Variants in CELF2 observed in about 807,000 individuals in gnomAD.
CELF2 encodes CUGBP Elav-like family member 2, also known as CUG triplet repeat RNA-binding protein 2.
A neutral mutation model predicts 62.6 loss-of-function variants in CELF2; 8 were observed. That is an observed-to-expected ratio of 0.13 (90% CI 0.07 to 0.23). CELF2 has a LOEUF of 0.23. CELF2 is among the 10% of genes least tolerant of loss of function. The pLI, the probability that CELF2 is intolerant of heterozygous loss-of-function variation, is 1.00. For synonymous variants in CELF2, 258 were observed against 250.0 expected (o/e 1.03, Z -0.30); for missense variants, 333 against 671.0 (o/e 0.50, Z 5.56).
chr10:10,638,694 C>T, the CELF2 span, among the ~76,000 whole-genome samples: 1 of 152,128 alleles, frequency 6.6e-6, no homozygotes, highest in Non-Finnish European at 1.5e-5. Context: ...AGTCATTAGC[C>T]ACAGGTGCCT....
intron 1 of CELF2, among the ~76,000 whole-genome samples, chr10:10,804,393 A>G (rs966461715): frequency 6.6e-6 from 1 of 152,258 alleles, no homozygotes; most frequent in Non-Finnish European, 1.5e-5. Flanking sequence ...CATGATCTAG[A>G]CTAATGATCT....
chr10:11,330,388 T>TAAAAGTGATTTTG lies in CELF2; in HGVS notation c.*1336_*1348dup. On this transcript the variant is annotated 3_prime_UTR_variant, in exon 13 of 13. Transcript: ENST00000633077. The surrounding 1 kb of genome is among the most constrained non-coding windows in gnomAD (Gnocchi z 4.5). ...TGCATTAGTTTTTCTCCTGCACCCT[T>TAAAAGTGATTTTG]AAAAGTGATTTTGTTGCCGCTGCAT... 1 of 152,608 alleles carries TAAAAGTGATTTTG rather than the reference T, an allele frequency of 6.6e-6. No homozygotes were observed. The highest frequency in any genetic ancestry group is 1.9e-4 in the East Asian group (1 of 5,204). The allele number at this position is 152,608 out of a possible 1,614,324, so 9.5% of individuals were successfully genotyped here.
chr10:11,017,229 A>C (rs1189870015), upstream of CELF2, among the ~76,000 whole-genome samples: 1 of 152,178 alleles, frequency 6.6e-6, no homozygotes, highest in African/African-American at 2.4e-5. This position sits in a 1 kb window ranked among gnomAD's most constrained non-coding sequence, Gnocchi z 5.5. Context: ...TCGTGAATTC[A>C]CTCAGCTGGT....
chr10:10,551,509 C>T, the CELF2 span, among the ~76,000 whole-genome samples: 48 of 152,222 alleles, frequency 3.2e-4, no homozygotes, highest in African/African-American at 1.1e-3. Context: ...CCCCCCCAGT[C>T]TCCACTGGAG....
At chr10:11,137,017 A>G (rs1242692823) in intron 1 of CELF2, among the ~76,000 whole-genome samples, 2 of 152,222 alleles carry the variant, frequency 1.3e-5, no homozygotes, top group African/African-American at 2.4e-5. Context: ...ATGCTATCTA[A>G]TTTAAATACA....
intron 1 of CELF2, among the ~76,000 whole-genome samples, chr10:10,864,929 A>G (rs554706982): frequency 9.8e-5 from 15 of 152,340 alleles, no homozygotes; most frequent in African/African-American, 3.4e-4. Context: ...TATTCACAAT[A>G]TAAGAGTTTC....
rs2096080482 is a variant in CELF2, at chr10:11,334,313, T to A, written c.*5260T>A. 1 of 152,680 alleles carries A rather than the reference T, an allele frequency of 6.5e-6. No individual in the cohort carries two copies. The highest frequency in any genetic ancestry group is 2.1e-4 in the South Asian group (1 of 4,836). 9.5% of individuals were successfully genotyped at this position (152,680 alleles called of 1,614,324 possible). A position where few individuals can be genotyped will look rare whatever the true frequency, so the allele number is the denominator to read the frequency against. ...TTTTGTAATGTATGTTATTGTGTGA[T>A]GCAGTTTTTTGCTTCTGTCTCCAAT... On this transcript the variant is annotated 3_prime_UTR_variant, in exon 13 of 13. Transcript: ENST00000633077.
At chr10:11,288,337 G>A (rs771997777) in intron 8 of CELF2, 81 bp from the exon 9 acceptor site, 12 of 1,553,592 alleles carry the variant, frequency 7.7e-6, no homozygotes, top group African/African-American at 1.4e-5. Flanking sequence ...GTGTCCTGAC[G>A]ATTTGATGAG....
chr10:10,795,901 G>A (rs1202575340), upstream of CELF2, among the ~76,000 whole-genome samples: 2 of 152,042 alleles, frequency 1.3e-5, 1 homozygote, highest in Non-Finnish European at 2.9e-5. Flanking sequence ...TCTTAGGAGT[G>A]AATCGGTGAG....
Position 11,156,500 on chromosome 10 carries a change from G to A in CELF2, c.75-8986G>A, listed in dbSNP as rs1427965746. 6.6e-6 allele frequency among the ~76,000 whole-genome samples: 1 copy of A among 152,066 alleles called. No homozygotes were observed. Among genetic ancestry groups the A allele is most frequent in the East Asian group, 1.9e-4 (1 of 5,194 alleles). ...TCCCCTGCATGCTTTATTTGTCTCTGTCAAAACGGTCTTTTTAATCGATAA... is the reference window on the plus strand; with the variant it reads ...TCCCCTGCATGCTTTATTTGTCTCTATCAAAACGGTCTTTTTAATCGATAA... On this transcript the variant is annotated intron_variant, in intron 1 of 12. Coordinates refer to ENST00000633077, the MANE Select transcript of CELF2 (RefSeq NM_001326342.2). This position sits in a 1 kb window ranked among gnomAD's most constrained non-coding sequence, Gnocchi z 4.3.
At chr10:10,588,845 G>A in the CELF2 span, among the ~76,000 whole-genome samples, 1 of 152,202 alleles carries the variant, frequency 6.6e-6, no homozygotes, top group Non-Finnish European at 1.5e-5. Flanking sequence ...TGGTGTGGAT[G>A]CCAGTATTCA....
chr10:10,603,416 C>T, the CELF2 span, among the ~76,000 whole-genome samples: 4 of 152,152 alleles, frequency 2.6e-5, no homozygotes, highest in Non-Finnish European at 5.9e-5. Flanking sequence ...AATGAATGAA[C>T]AGCTGAGGAA....
At chr10:10,842,709 T>C (rs1435843829) in intron 1 of CELF2, among the ~76,000 whole-genome samples, 3 of 152,082 alleles carry the variant, frequency 2.0e-5, no homozygotes, top group Non-Finnish European at 2.9e-5. Flanking sequence ...TTGTTGAGGA[T>C]TTTTACATAT....
At chr10:11,292,261 A>G (rs2092624311) in intron 9 of CELF2, among the ~76,000 whole-genome samples, 1 of 152,204 alleles carries the variant, frequency 6.6e-6, no homozygotes, top group South Asian at 2.1e-4. Flanking sequence ...ATCTGAGGGT[A>G]ACAGAGATTG....
In CELF2 at chr10:11,328,797, G is replaced by A. The variant is rs2095895760; in HGVS notation, c.1439-129G>A. 6.8e-6 allele frequency: 7 copies of A among 1,032,894 alleles called. No homozygotes were observed. The South Asian group carries it at 8.1e-5, about 12-fold the overall frequency. The allele number at this position is 1,032,894 out of a possible 1,614,324, so 64.0% of individuals were successfully genotyped here. A position where few individuals can be genotyped will look rare whatever the true frequency, so the allele number is the denominator to read the frequency against. ...CGGTGGACTCACGATCAGTTCCGCA[G>A]AGCTGTGCTGGGCCCGTGGGGCTGG... is the stretch of plus-strand genomic sequence containing the variant. On this transcript the variant is annotated intron_variant, in intron 12 of 12. Coordinates refer to ENST00000633077, the MANE Select transcript of CELF2 (RefSeq NM_001326342.2). The surrounding 1 kb of genome is among the most constrained non-coding windows in gnomAD (Gnocchi z 6.4).
chr10:10,786,543 C>T, the CELF2 span: 1 of 151,834 alleles, frequency 6.6e-6, no homozygotes, highest in Non-Finnish European at 1.5e-5. Flanking sequence ...ACCACAAACC[C>T]TTGAAATAGT....
chr10:10,600,164 G>A, the CELF2 span, among the ~76,000 whole-genome samples: 1 of 152,244 alleles, frequency 6.6e-6, no homozygotes, highest in Non-Finnish European at 1.5e-5. Flanking sequence ...AAAGTGCAGA[G>A]AAATTCATGC....
rs185015175 is a variant in CELF2, at chr10:11,156,704, T to C, written c.75-8782T>C. 1.4e-4 allele frequency among the ~76,000 whole-genome samples: 21 copies of C among 152,292 alleles called. No individual in the cohort carries two copies. Among genetic ancestry groups the C allele is most frequent in the African/African-American group, 4.8e-4 (20 of 41,568 alleles). On this transcript the variant is annotated intron_variant, in intron 1 of 12. Transcript: ENST00000633077. The surrounding 1 kb of genome is among the most constrained non-coding windows in gnomAD (Gnocchi z 4.3). ...TCTTCAGGATGTCACACTTCCACCA[T>C]GCACTTGATGGGGCTTCCGTGAATC...
chr10:11,002,475 A>T (rs530499372), upstream of CELF2, among the ~76,000 whole-genome samples: 112 of 152,314 alleles, frequency 7.4e-4, 1 homozygote, highest in South Asian at 5.8e-3. This position sits in a 1 kb window ranked among gnomAD's most constrained non-coding sequence, Gnocchi z 4.4. Context: ...TGCTGGGGCG[A>T]GTATGCGGAT....
Sources: allele counts gnomAD v4.1 joint callset (sites outside exome capture counted in the v4.1 genomes callset), GRCh38; gene constraint gnomAD v4.1.1; non-coding constraint Gnocchi (gnomAD v3.1); transcripts MANE v1.5; gene names NCBI Gene and HGNC (gene_info 2026-07-23, HGNC 2026-07-21).